The following PTPRD variants were observed in gnomAD, a reference collection of about 807,000 sequenced individuals.
PTPRD encodes the protein receptor-type tyrosine-protein phosphatase delta.
In PTPRD, 34 loss-of-function variants were observed where a neutral mutation model predicts 214.5. The observed-to-expected ratio is 0.16, with a 90% CI of 0.12 to 0.21. The LOEUF (loss-of-function observed/expected upper bound fraction) is 0.21, where lower values mean the gene tolerates loss of function less well. Among genes scored for constraint, PTPRD ranks in the 10% least tolerant of loss-of-function variants. The pLI is 1.00. For synonymous variants in PTPRD, 1,128 were observed against 845.7 expected (o/e 1.33, Z -5.79); for missense variants, 2,545 against 2,398.7 (o/e 1.06, Z -1.27).
At chr9:8,889,088 G>T (rs2098515568) in intron 11 of PTPRD, among the ~76,000 whole-genome samples, 1 of 152,152 alleles carries the variant, frequency 6.6e-6, no homozygotes, top group African/African-American at 2.4e-5. Flanking sequence ...CAGTTTTCCA[G>T]GCAGAAACCC....
At chr9:10,346,467 AC>A (rs1187937025) in intron 2 of PTPRD, among the ~76,000 whole-genome samples, 4 of 152,242 alleles carry the variant, frequency 2.6e-5, no homozygotes, top group Non-Finnish European at 4.4e-5. Flanking sequence ...AATATATGAT[AC>A]AGTAATTTAA....
At chr9:10,369,432 A>G (rs2097571883) in intron 2 of PTPRD, among the ~76,000 whole-genome samples, 1 of 152,022 alleles carries the variant, frequency 6.6e-6, no homozygotes, top group Non-Finnish European at 1.5e-5. Flanking sequence ...CAGTAGTGAG[A>G]GAACAAAGAA....
Position 8,378,417 on chromosome 9 carries a change from T to C in PTPRD, c.4387-1691A>G, listed in dbSNP as rs571542367. On this transcript the variant is annotated intron_variant, in intron 37 of 45. Transcript: ENST00000381196. ...CAACACTACTTCAGCAGTCATGATA[T>C]AGATGAGAAAAAAAAAATTAACAAA... Among the ~76,000 whole-genome samples, 5 of 144,852 alleles carry C rather than the reference T, an allele frequency of 3.5e-5. No individual in the cohort carries two copies. In the South Asian group the frequency reaches 1.2e-3, roughly 36 times the overall value.
intron 14 of PTPRD, among the ~76,000 whole-genome samples, chr9:8,597,290 CAAGAAT>C (rs561320589): frequency 2.4e-4 from 37 of 152,114 alleles, no homozygotes; most frequent in Non-Finnish European, 5.0e-4. Context: ...AATATCAAGA[CAAGAAT>C]AAGATTGAAA....
chr9:9,091,392 C>G (rs2099775615), intron 10 of PTPRD: 1 of 649,158 alleles, frequency 1.5e-6, no homozygotes, highest in South Asian at 1.8e-5. Flanking sequence ...CCTTATGACT[C>G]TGGTTCTTAC....
intron 2 of PTPRD, among the ~76,000 whole-genome samples, chr9:10,577,705 C>T (rs62539611): frequency 0.12 from 18,334 of 152,132 alleles, 1,504 homozygotes; most frequent in Non-Finnish European, 0.19. Context: ...TGGTTAAGCA[C>T]TTACCTATAA....
chr9:9,604,627 A>G (rs1252559930), intron 7 of PTPRD, among the ~76,000 whole-genome samples: 1 of 152,070 alleles, frequency 6.6e-6, no homozygotes, highest in Non-Finnish European at 1.5e-5. Context: ...AACTACCATT[A>G]CTACTACATT....
At chr9:8,796,650 T>C (rs914003922) in intron 11 of PTPRD, among the ~76,000 whole-genome samples, 2 of 152,194 alleles carry the variant, frequency 1.3e-5, no homozygotes, top group African/African-American at 4.8e-5. Context: ...ATCATGTGCC[T>C]GATAATCATG....
intron 10 of PTPRD, among the ~76,000 whole-genome samples, chr9:9,119,036 C>G (rs1024482234): frequency 5.9e-5 from 9 of 152,154 alleles, no homozygotes; most frequent in African/African-American, 1.9e-4. Flanking sequence ...ATGGAAAGAC[C>G]AAGACAGCCA....
chr9:10,205,783 A>G (rs2099471527), intron 3 of PTPRD, among the ~76,000 whole-genome samples: 1 of 152,218 alleles, frequency 6.6e-6, no homozygotes, highest in East Asian at 1.9e-4. Flanking sequence ...TTTTAAAGTA[A>G]TTCAACTATT....
At chr9:8,446,484 T>C (rs542295344) in intron 34 of PTPRD, among the ~76,000 whole-genome samples, 1 of 152,328 alleles carries the variant, frequency 6.6e-6, no homozygotes, top group African/African-American at 2.4e-5. Flanking sequence ...ATTTTATCAT[T>C]CATAACAGAC....
intron 10 of PTPRD, among the ~76,000 whole-genome samples, chr9:9,068,908 C>T (rs2099739685): frequency 6.6e-6 from 1 of 152,056 alleles, no homozygotes; most frequent in Non-Finnish European, 1.5e-5. Context: ...CGGCTCTCGG[C>T]CTACAAAAAT....
In PTPRD at chr9:10,420,210, T is replaced by C. The variant is rs556833262; in HGVS notation, c.-599-79193A>G. Among the ~76,000 whole-genome samples, 7 of 151,980 alleles carry C rather than the reference T, an allele frequency of 4.6e-5. No individual in the cohort carries two copies. In the East Asian group the frequency reaches 7.8e-4, roughly 17 times the overall value. On this transcript the variant is annotated intron_variant, in intron 2 of 45. Coordinates refer to ENST00000381196, the MANE Select transcript of PTPRD (RefSeq NM_002839.4). ...CAAGAATTCTTCTAAACAAATTGCA[T>C]GTATAATAATAATAATTTCTATCAG...
At chr9:9,152,925 T>G (rs11792891) in intron 10 of PTPRD, among the ~76,000 whole-genome samples, 76,875 of 151,514 alleles carry the variant, frequency 0.51, 20,487 homozygotes, top group African/African-American at 0.67. Context: ...GTATCTTTCT[T>G]TGGCCCAGTA....
chr9:10,027,842 G>A (rs1431177146), intron 4 of PTPRD, among the ~76,000 whole-genome samples: 1 of 152,076 alleles, frequency 6.6e-6, no homozygotes, highest in African/African-American at 2.4e-5. Context: ...CTCTTACTTT[G>A]ATATGAATTG....
intron 10 of PTPRD, among the ~76,000 whole-genome samples, chr9:9,059,841 C>T (rs2099703843): frequency 1.3e-5 from 2 of 151,792 alleles, no homozygotes; most frequent in Admixed American, 6.6e-5. Context: ...AAAATAAATA[C>T]ATTAAAAATG....
intron 11 of PTPRD, among the ~76,000 whole-genome samples, chr9:9,010,853 G>A (rs754975738): frequency 6.6e-6 from 1 of 152,146 alleles, no homozygotes; most frequent in Non-Finnish European, 1.5e-5. Context: ...ATTTTTACAT[G>A]TGAGATGGGC....
At chr9:8,587,437 GAA>G (rs756263293) in intron 14 of PTPRD, among the ~76,000 whole-genome samples, 13 of 152,118 alleles carry the variant, frequency 8.5e-5, no homozygotes, top group Non-Finnish European at 1.3e-4. Flanking sequence ...TACTTCAAAA[GAA>G]AAGAATAAAT....
At chr9:8,913,828 G>A (rs367641458) in intron 11 of PTPRD, among the ~76,000 whole-genome samples, 1 of 152,156 alleles carries the variant, frequency 6.6e-6, no homozygotes, top group African/African-American at 2.4e-5. Context: ...TTGTGATTAT[G>A]ACCTGCTTTG....
Sources: allele counts gnomAD v4.1 joint callset (sites outside exome capture counted in the v4.1 genomes callset), GRCh38; gene constraint gnomAD v4.1.1; transcripts MANE v1.5; gene names NCBI Gene and HGNC (gene_info 2026-07-23, HGNC 2026-07-21).